Variants in TNFRSF13B observed in about 807,000 individuals in gnomAD.
The protein encoded by TNFRSF13B is TNF receptor superfamily member 13B.
A neutral mutation model predicts 24.0 loss-of-function variants in TNFRSF13B; 34 were observed. The observed-to-expected ratio is 1.41, with a 90% confidence interval of 1.08 to 1.88. The LOEUF is 1.88. Among genes scored for constraint, TNFRSF13B ranks in the 40% most tolerant of loss-of-function variants. The pLI is 0.00. For synonymous variants in TNFRSF13B, 173 were observed against 150.3 expected, an observed-to-expected ratio of 1.15 and a Z score of -1.10; for missense variants, 415 against 380.8, an observed-to-expected ratio of 1.09 and a Z score of -0.75.
At chr17:16,962,210 G>A (rs946556867) in intron 1 of TNFRSF13B, among the ~76,000 whole-genome samples, 1 of 152,172 alleles carries the variant, frequency 6.6e-6, no homozygotes, top group African/African-American at 2.4e-5. Flanking sequence ...AGACATTACT[G>A]AGAAAAGAAA....
At chr17:16,948,703 C>A (rs201471491) in intron 3 of TNFRSF13B, 35 bp downstream of exon 3, 1 of 1,612,780 alleles carries the variant, frequency 6.2e-7, no homozygotes, top group South Asian at 1.1e-5. Context: ...TCTCACCCTG[C>A]GTGACACCAT....
Position 16,939,678 on chromosome 17 carries a change from G to T in TNFRSF13B, c.751C>A (p.Pro251Thr). The T allele has an allele frequency of 1.2e-6, 2 of 1,611,096 alleles. No homozygotes were observed. Among genetic ancestry groups the T allele is most frequent in the South Asian group, 2.2e-5 (2 of 90,772 alleles). ...TQESAVTPGT[P>T]DPTCAGRWGC... is the part of the protein sequence containing the mutation. ...CACCTTCCAGCACAAGTGGGGTCGG[G>T]GGTCCCAGGCGTGACTGCGCTCTCC... The change falls in exon 5 of 5, where the codon CCC (proline) becomes ACC (threonine). Residue 251 changes from proline to threonine, a missense_variant. Transcript: ENST00000261652.
Position 16,939,567 on chromosome 17 carries a change from C to A in TNFRSF13B, c.862G>T (p.Glu288Ter). 6.2e-7 allele frequency: 1 copy of A among 1,613,564 alleles called. No individual in the cohort carries two copies. The highest frequency in any genetic ancestry group is 1.1e-5 in the South Asian group (1 of 90,940). Residue 288 changes from glutamate to a stop codon, truncating the protein, a stop_gained, in exon 5 of 5, where the codon GAG (glutamate) becomes TAG (stop). Transcript: ENST00000261652. LOFTEE classifies it high-confidence loss of function. ...CCCATTTATGCACCTGGGCCCCCCT[C>A]CTGGGCAGGCACACACACAATGCCA... ...GLGIVCVPAQ[E>*]GGPGA
chr17:16,958,664 C>T (rs935615362), intron 1 of TNFRSF13B, among the ~76,000 whole-genome samples: 1 of 151,876 alleles, frequency 6.6e-6, no homozygotes, highest in African/African-American at 2.4e-5. Flanking sequence ...GCTGGGGCAG[C>T]TATACTGTTG....
At chr17:16,966,839 CTT>C (rs71152837) in intron 1 of TNFRSF13B, among the ~76,000 whole-genome samples, 3,607 of 47,358 alleles carry the variant, frequency 0.076, 190 homozygotes, top group African/African-American at 0.24. Flanking sequence ...TTTCTTTTTT[CTT>C]TTTTTTTTTT....
At chr17:16,959,970 G>A (rs1468429898) in intron 1 of TNFRSF13B, among the ~76,000 whole-genome samples, 1 of 152,086 alleles carries the variant, frequency 6.6e-6, no homozygotes, top group African/African-American at 2.4e-5. Context: ...CATTCATGAA[G>A]TCAGCATTAC....
intron 3 of TNFRSF13B, 121 bp from the exon 4 acceptor site, chr17:16,940,632 G>A: frequency 2.0e-6 from 3 of 1,522,654 alleles, no homozygotes; most frequent in East Asian, 2.5e-5. Context: ...GAGAGGCTGG[G>A]CTCCTTTTCT....
At chr17:16,944,417 G>C (rs1350747202) in intron 3 of TNFRSF13B, among the ~76,000 whole-genome samples, 1 of 152,140 alleles carries the variant, frequency 6.6e-6, no homozygotes, top group Non-Finnish European at 1.5e-5. Context: ...AACAACTCCA[G>C]CCTCACAGAA....
At chr17:16,947,197 T>C (rs1334235608) in intron 3 of TNFRSF13B, among the ~76,000 whole-genome samples, 1 of 152,110 alleles carries the variant, frequency 6.6e-6, no homozygotes, top group African/African-American at 2.4e-5. Flanking sequence ...CTGAGGAACA[T>C]AGATGCAAGA....
At position 16,940,339 on chromosome 17, in the gene TNFRSF13B, G is replaced by A. The variant is rs147846226; in HGVS notation, c.618C>T (p.Ala206=). The change falls in exon 4 of 5, where the codon GCC becomes GCT. Residue 206 remains alanine (A), a synonymous_variant. Coordinates refer to ENST00000261652, the MANE Select transcript of TNFRSF13B (RefSeq NM_012452.3). The part of the protein sequence containing the change: ...QPRSRPRQSP[A]KSSQDHAMEA... The stretch of plus-strand genomic sequence containing the variant: ...TCATGCACTCACCCTGGGAAGACTT[G>A]GCCGGACTTTGACGGGGCCTTGAGC... 349 of 1,613,532 alleles carry A rather than the reference G, an allele frequency of 2.2e-4. 2 individuals carry two copies. The African/African-American group carries it at 4.3e-3, about 20-fold the overall frequency.
intron 3 of TNFRSF13B, among the ~76,000 whole-genome samples, chr17:16,944,033 G>A (rs1006787637): frequency 6.6e-6 from 1 of 152,186 alleles, no homozygotes; most frequent in Non-Finnish European, 1.5e-5. Flanking sequence ...CCCACCAAGC[G>A]CCATGTGTGA....
At chr17:16,963,212 G>T (rs978719036) in intron 1 of TNFRSF13B, among the ~76,000 whole-genome samples, 1 of 152,212 alleles carries the variant, frequency 6.6e-6, no homozygotes, top group Non-Finnish European at 1.5e-5. Flanking sequence ...TATTGAGCAC[G>T]TTAGTAAAGA....
chr17:16,941,009 A>G (rs1346144800), intron 3 of TNFRSF13B: 15 of 885,786 alleles, frequency 1.7e-5, no homozygotes, highest in Admixed American at 9.9e-5. Context: ...ACGGCCTGGC[A>G]TTTGCATATA....
At chr17:16,969,331 A>G (rs2087727539) in intron 1 of TNFRSF13B, among the ~76,000 whole-genome samples, 1 of 152,254 alleles carries the variant, frequency 6.6e-6, no homozygotes, top group Non-Finnish European at 1.5e-5. Flanking sequence ...TGACTGGAAA[A>G]GCCACATGAC....
At chr17:16,959,221 A>G (rs1337673598) in intron 1 of TNFRSF13B, among the ~76,000 whole-genome samples, 1 of 152,144 alleles carries the variant, frequency 6.6e-6, no homozygotes, top group Non-Finnish European at 1.5e-5. Context: ...ACGCTCTTCA[A>G]CAACAAATTG....
At chr17:16,944,856 G>C (rs2087536305) in intron 3 of TNFRSF13B, among the ~76,000 whole-genome samples, 1 of 152,152 alleles carries the variant, frequency 6.6e-6, no homozygotes, top group Non-Finnish European at 1.5e-5. Context: ...CCACGGAAGG[G>C]GGCAGAGAAC....
At chr17:16,951,763 C>T (rs2143661230) in intron 2 of TNFRSF13B, among the ~76,000 whole-genome samples, 1 of 152,294 alleles carries the variant, frequency 6.6e-6, no homozygotes, top group Admixed American at 6.5e-5. Context: ...TGGCACATGC[C>T]TGTAATCCCA....
At chr17:16,946,365 G>A (rs1357005332) in intron 3 of TNFRSF13B, among the ~76,000 whole-genome samples, 1 of 152,054 alleles carries the variant, frequency 6.6e-6, no homozygotes, top group Non-Finnish European at 1.5e-5. Flanking sequence ...GATCCACACG[G>A]CATCCCTCTT....
chr17:16,967,381 T>G (rs2087709106), intron 1 of TNFRSF13B, among the ~76,000 whole-genome samples: 1 of 152,124 alleles, frequency 6.6e-6, no homozygotes, highest in Non-Finnish European at 1.5e-5. Context: ...GTTTTTGTTT[T>G]GGAGGTTATT....
Sources: allele counts gnomAD v4.1 joint callset (sites outside exome capture counted in the v4.1 genomes callset), GRCh38; gene constraint gnomAD v4.1.1; transcripts MANE v1.5; gene names NCBI Gene and HGNC (gene_info 2026-07-23, HGNC 2026-07-21).